Variants in RSPO2 observed in about 807,000 individuals in gnomAD.
RSPO2 encodes the protein R-spondin 2, also known as R-spondin-2.
A neutral mutation model predicts 30.9 loss-of-function variants in RSPO2; 14 were observed. The ratio of observed to expected loss-of-function variants is 0.45; its 90% CI spans 0.30 to 0.71. The LOEUF is 0.71. Ranked by LOEUF, RSPO2 falls within the 30% of genes least tolerant of loss-of-function variation. The pLI, the probability that RSPO2 is intolerant of heterozygous loss-of-function variation, is 0.08. For synonymous variants in RSPO2, 107 were observed against 96.4 expected, an observed-to-expected ratio of 1.11 and a Z score of -0.64; for missense variants, 264 against 301.9, an observed-to-expected ratio of 0.87 and a Z score of 0.93.
intron 2 of RSPO2, among the ~76,000 whole-genome samples, chr8:108,017,183 A>AT (rs1205417464): frequency 2.9e-4 from 44 of 151,534 alleles, no homozygotes; most frequent in Admixed American, 2.0e-3. Context: ...CACCCAGCTA[A>AT]TTTTTTTGTA....
intron 5 of RSPO2, among the ~76,000 whole-genome samples, chr8:107,920,624 T>C (rs1161612370): frequency 2.6e-5 from 4 of 152,276 alleles, no homozygotes; most frequent in South Asian, 2.1e-4. Flanking sequence ...AGTACATTGA[T>C]TGATTGAAAT....
At position 107,902,799 on chromosome 8, in the gene RSPO2, A is replaced by T. The variant is rs143477407; in HGVS notation, c.617-1609T>A. 5.3e-5 allele frequency among the ~76,000 whole-genome samples: 8 copies of T among 152,234 alleles called. No homozygotes were observed. In the East Asian group the frequency reaches 1.5e-3, roughly 29 times the overall value. ...AAAAAAAGATTTAAAAGAATAACTT[A>T]TGTTTAATAGGACATTGCATTAAAA... On this transcript the variant is annotated intron_variant, in intron 5 of 5. Coordinates refer to ENST00000276659, the MANE Select transcript of RSPO2 (RefSeq NM_178565.5).
chr8:107,950,480 A>G (rs1813205912), intron 5 of RSPO2, among the ~76,000 whole-genome samples: 1 of 108,090 alleles, frequency 9.3e-6, no homozygotes, highest in Admixed American at 1.2e-4. Flanking sequence ...TTAATAGGTT[A>G]CATTTTGGGG....
chr8:108,028,310 A>T (rs1320565999), intron 2 of RSPO2, among the ~76,000 whole-genome samples: 2 of 152,122 alleles, frequency 1.3e-5, no homozygotes, highest in African/African-American at 4.8e-5. Context: ...TCCAAATGCC[A>T]CCTTCTCTGT....
intron 3 of RSPO2, among the ~76,000 whole-genome samples, chr8:107,968,905 A>G (rs996289803): frequency 5.9e-5 from 9 of 152,112 alleles, no homozygotes; most frequent in Non-Finnish European, 1.2e-4. Context: ...GCATTACCCA[A>G]TAAAGGGCAT....
chr8:108,034,089 C>T (rs910677017), intron 2 of RSPO2, among the ~76,000 whole-genome samples: 1 of 152,090 alleles, frequency 6.6e-6, no homozygotes, highest in Non-Finnish European at 1.5e-5. Context: ...TGCATCGGAT[C>T]GCTCATTCTC....
chr8:107,990,733 C>T (rs114567187), intron 2 of RSPO2, among the ~76,000 whole-genome samples: 6,740 of 152,124 alleles, frequency 0.044, 268 homozygotes, highest in African/African-American at 0.1. Flanking sequence ...CAAAAAAAAG[C>T]CCAAATAGCC....
At chr8:108,081,448 G>A in intron 2 of RSPO2, among the ~76,000 whole-genome samples, 1 of 152,198 alleles carries the variant, frequency 6.6e-6, no homozygotes, top group South Asian at 2.1e-4. Context: ...AATTCTAATT[G>A]CGCAAAAGTC....
intron 2 of RSPO2, among the ~76,000 whole-genome samples, chr8:108,059,972 T>C (rs1283151449): frequency 2.6e-5 from 4 of 151,266 alleles, no homozygotes; most frequent in Non-Finnish European, 4.4e-5. Flanking sequence ...CTGCACATTG[T>C]GCACATGTAC....
intron 2 of RSPO2, among the ~76,000 whole-genome samples, chr8:108,038,313 C>T (rs1315089027): frequency 6.6e-6 from 1 of 152,130 alleles, no homozygotes; most frequent in Non-Finnish European, 1.5e-5. Flanking sequence ...TGAATTGCTA[C>T]AATTTCATGA....
chr8:108,082,945 C>T (rs2130744784), intron 1 of RSPO2, 138 bp from the exon 2 acceptor site: 1 of 334,844 alleles, frequency 3.0e-6, no homozygotes, highest in Non-Finnish European at 5.4e-6. Context: ...AGCCGCGGAG[C>T]GGCTTAATCC....
intron 2 of RSPO2, among the ~76,000 whole-genome samples, chr8:108,020,853 A>G (rs1406325838): frequency 6.6e-6 from 1 of 152,168 alleles, no homozygotes; most frequent in East Asian, 1.9e-4. Context: ...TATTTGTTAC[A>G]TTATAAAATT....
chr8:107,979,083 G>T (rs1814329062), intron 3 of RSPO2, among the ~76,000 whole-genome samples: 2 of 152,282 alleles, frequency 1.3e-5, no homozygotes, highest in South Asian at 4.1e-4. Flanking sequence ...ATTGTTGGTG[G>T]GACTGTAAAC....
At chr8:108,045,463 T>C (rs918949709) in intron 2 of RSPO2, among the ~76,000 whole-genome samples, 1 of 152,114 alleles carries the variant, frequency 6.6e-6, no homozygotes, top group African/African-American at 2.4e-5. Context: ...TAGACCATTT[T>C]TATTAAAATA....
intron 5 of RSPO2, among the ~76,000 whole-genome samples, chr8:107,924,537 G>A (rs1812290758): frequency 6.6e-6 from 1 of 151,920 alleles, no homozygotes; most frequent in Admixed American, 6.6e-5. Context: ...AAGCCAAAAT[G>A]GCCAAGACTC....
intron 2 of RSPO2, among the ~76,000 whole-genome samples, chr8:107,992,378 G>A (rs1375935011): frequency 6.6e-6 from 1 of 152,096 alleles, no homozygotes; most frequent in Non-Finnish European, 1.5e-5. Flanking sequence ...CACATAGAGG[G>A]AAACAACAGA....
chr8:107,955,880 T>C (rs1361611107), intron 5 of RSPO2, among the ~76,000 whole-genome samples: 3 of 152,224 alleles, frequency 2.0e-5, no homozygotes, highest in Non-Finnish European at 4.4e-5. Context: ...TGCAAAGATC[T>C]TAAAAATGCC....
chr8:107,982,114 C>T (rs761072657), intron 3 of RSPO2, among the ~76,000 whole-genome samples: 24 of 142,474 alleles, frequency 1.7e-4, no homozygotes, highest in Admixed American at 1.1e-3. Flanking sequence ...AATGTCAAAA[C>T]AAGGGTAGAA....
chr8:108,072,426 C>G (rs1280126102), intron 2 of RSPO2, among the ~76,000 whole-genome samples: 6 of 145,862 alleles, frequency 4.1e-5, no homozygotes, highest in Non-Finnish European at 8.9e-5. Context: ...CCCGGGTTCA[C>G]GCCATTCTCC....
Sources: allele counts gnomAD v4.1 joint callset (sites outside exome capture counted in the v4.1 genomes callset), GRCh38; gene constraint gnomAD v4.1.1; transcripts MANE v1.5; gene names NCBI Gene and HGNC (gene_info 2026-07-23, HGNC 2026-07-21).